CORO7: variants seen among roughly 807,000 people sequenced by gnomAD.
CORO7 encodes the protein coronin 7, also known as coronin-7.
Under a neutral mutation model 126.6 loss-of-function variants are expected in CORO7, and 107 were observed. The observed-to-expected ratio is 0.85, with a 90% CI of 0.72 to 0.99. The LOEUF is 0.99. Among genes scored for constraint, CORO7 ranks in the 50% least tolerant of loss-of-function variants. CORO7 has a pLI of 0.00. For missense variants in CORO7, 1,314 were observed against 1,255.8 expected, an observed-to-expected ratio of 1.05 and a Z score of -0.70; for synonymous variants, 603 against 536.8, an observed-to-expected ratio of 1.12 and a Z score of -1.70.
chr16:4,364,342 C>T lies in CORO7; in HGVS notation c.1209G>A (p.Ala403=), dbSNP rs766870836. ...PSFTSCLVPP[A]EPLPDTAQPA... Reference sequence around the variant, plus strand: ...GCTGGGCTGTGTCAGGGAGGGGCTCCGCAGGGGGCACCAGACAGGAAGTGA... The same window carrying T: ...GCTGGGCTGTGTCAGGGAGGGGCTCTGCAGGGGGCACCAGACAGGAAGTGA... Residue 403 remains alanine (A), a synonymous_variant, in exon 14 of 28, where the codon GCG becomes GCA. Coordinates refer to ENST00000251166, the MANE Select transcript of CORO7 (RefSeq NM_024535.5). 6.5e-5 allele frequency: 99 copies of T among 1,532,286 alleles called. No homozygotes were observed. Among genetic ancestry groups the T allele is most frequent in the Non-Finnish European group, 8.2e-5 (94 of 1,143,614 alleles). 94.9% of individuals were successfully genotyped at this position (1,532,286 alleles called of 1,614,324 possible).
rs748106543 is a variant in CORO7 at position 4,361,895 on chromosome 16, C to T, written c.1578+90G>A. ...GCAGGAGCCTGACACAAGGTTTGTG[C>T]TCCCTGTGTTGTGTGGGTAGCTAAG... On this transcript the variant is annotated intron_variant, in intron 16 of 27. Transcript: ENST00000251166. 2.6e-6 allele frequency: 4 copies of T among 1,527,188 alleles called. No individual in the cohort carries two copies. The South Asian group carries it at 4.8e-5, about 18-fold the overall frequency. 94.6% of individuals were successfully genotyped at this position (1,527,188 alleles called of 1,614,324 possible).
At chr16:4,361,682 A>C in intron 16 of CORO7, 1 of 791,796 alleles carries the variant, frequency 1.3e-6, no homozygotes, top group South Asian at 1.5e-5. Flanking sequence ...AGCAGCGTGA[A>C]CTGGCGGGAA....
chr16:4,358,364 C>T lies in CORO7; in HGVS notation c.2457+3G>A, dbSNP rs757302750. Reference sequence around the variant, plus strand: ...CATGGGAGTCCCAGGTCCCCACCCTCACCCGGACTCGGGGCAGCCGGAAGG... The same window carrying T: ...CATGGGAGTCCCAGGTCCCCACCCTTACCCGGACTCGGGGCAGCCGGAAGG... On this transcript the variant is annotated splice_donor_region_variant and intron_variant, in intron 24 of 27. Transcript: ENST00000251166. 2.5e-6 allele frequency: 4 copies of T among 1,612,098 alleles called. No homozygotes were observed. The highest frequency in any genetic ancestry group is 3.4e-6 in the Non-Finnish European group (4 of 1,179,604).
chr16:4,414,580 C>T (rs1332229902), intron 1 of CORO7, among the ~76,000 whole-genome samples: 1 of 152,124 alleles, frequency 6.6e-6, no homozygotes, highest in African/African-American at 2.4e-5. Flanking sequence ...ATTATTTCTC[C>T]CTCCTGATTC....
At chr16:4,416,287 G>T (rs112681045) in intron 1 of CORO7, among the ~76,000 whole-genome samples, 172 bp downstream of exon 1, 454 of 152,220 alleles carry the variant, frequency 3.0e-3, no homozygotes, top group Non-Finnish European at 4.3e-3. Flanking sequence ...GCCCTCCGGC[G>T]GCGACGAAAC....
intron 8 of CORO7, among the ~76,000 whole-genome samples, 188 bp downstream of exon 8, chr16:4,388,357 G>C (rs1257656012): frequency 6.6e-6 from 1 of 152,184 alleles, no homozygotes; most frequent in African/African-American, 2.4e-5. Context: ...ATTACAAATG[G>C]AATCTGCCAG....
intron 1 of CORO7, among the ~76,000 whole-genome samples, chr16:4,413,815 G>T (rs1260014833): frequency 6.6e-6 from 1 of 151,726 alleles, no homozygotes; most frequent in Non-Finnish European, 1.5e-5. Context: ...TGGGATTACA[G>T]GCATGAGCCT....
chr16:4,382,129 G>C (rs2055001132), intron 9 of CORO7: 9 of 1,589,618 alleles, frequency 5.7e-6, no homozygotes, highest in Non-Finnish European at 7.7e-6. Flanking sequence ...CCTCAATGGG[G>C]GCACATGCCA....
chr16:4,371,954 G>C (rs2054547343), intron 9 of CORO7: 1 of 152,448 alleles, frequency 6.6e-6, no homozygotes, highest in Admixed American at 6.5e-5. Context: ...TGAGGCCGCG[G>C]CCTGCCCCGC....
At chr16:4,365,770 C>T (rs2054329229) in intron 9 of CORO7, among the ~76,000 whole-genome samples, 2 of 152,188 alleles carry the variant, frequency 1.3e-5, no homozygotes, top group Admixed American at 1.3e-4. Flanking sequence ...CACCTGCACA[C>T]CTGCGTCACT....
intron 9 of CORO7, among the ~76,000 whole-genome samples, chr16:4,366,498 C>T (rs1395544620): frequency 6.6e-6 from 1 of 151,504 alleles, no homozygotes; most frequent in Non-Finnish European, 1.5e-5. Flanking sequence ...GCCCAGATGC[C>T]CAGTTGCCTT....
chr16:4,367,807 G>T (rs191673532), intron 9 of CORO7, among the ~76,000 whole-genome samples: 222 of 152,222 alleles, frequency 1.5e-3, no homozygotes, highest in African/African-American at 4.9e-3. Context: ...GGATGGGCAG[G>T]TGGAGGCTAG....
intron 9 of CORO7, chr16:4,382,383 G>T (rs753432185): frequency 6.2e-7 from 1 of 1,612,252 alleles, no homozygotes; most frequent in African/African-American, 1.3e-5. Flanking sequence ...GCAACCTATC[G>T]GGCCCTGATA....
intron 7 of CORO7, among the ~76,000 whole-genome samples, chr16:4,391,914 G>C (rs537202236): frequency 1.3e-5 from 2 of 152,214 alleles, no homozygotes; most frequent in South Asian, 4.1e-4. Context: ...TGTCAGCCCC[G>C]CAGGGGGTGC....
chr16:4,403,526 G>C (rs563771628), intron 6 of CORO7, among the ~76,000 whole-genome samples: 215 of 152,278 alleles, frequency 1.4e-3, no homozygotes, highest in African/African-American at 4.1e-3. Flanking sequence ...GGAAATGTGT[G>C]CTTCTCGTCC....
rs753171464 is a variant in CORO7, at chr16:4,381,019, C to G, written c.785+6967G>C. On this transcript the variant is annotated intron_variant, in intron 9 of 27. Transcript: ENST00000251166. Reference sequence around the variant, plus strand: ...TGCCCGCCAGGGGACCACGGTGCCCCGAGACGTGCCACCCGACACGGTGGG... The same window carrying G: ...TGCCCGCCAGGGGACCACGGTGCCCGGAGACGTGCCACCCGACACGGTGGG... 4 of 1,609,554 alleles carry G rather than the reference C, an allele frequency of 2.5e-6. No homozygotes were observed. Among genetic ancestry groups the G allele is most frequent in the Non-Finnish European group, 3.4e-6 (4 of 1,178,860 alleles).
At chr16:4,413,756 T>G (rs1419610920) in intron 1 of CORO7, among the ~76,000 whole-genome samples, 2 of 150,412 alleles carry the variant, frequency 1.3e-5, no homozygotes, top group Non-Finnish European at 3.0e-5. Flanking sequence ...CAGGCTGGTC[T>G]CGAACTCCTG....
chr16:4,410,557 C>T (rs981490427), intron 3 of CORO7, among the ~76,000 whole-genome samples: 4 of 152,174 alleles, frequency 2.6e-5, no homozygotes, highest in Admixed American at 6.5e-5. Context: ...TGTTTTAAAA[C>T]CTACTTCAAA....
At chr16:4,365,608 C>T in intron 9 of CORO7, 63 bp from the exon 10 acceptor site, 7 of 1,546,888 alleles carry the variant, frequency 4.5e-6, no homozygotes, top group African/African-American at 1.4e-5. Context: ...CTCGTAACCC[C>T]ATGTAGGAGC....
Sources: gnomAD v4.1 joint callset for allele counts (sites outside exome capture counted in the v4.1 genomes callset) on GRCh38, gnomAD v4.1.1 for gene constraint, MANE v1.5 for transcripts, NCBI Gene and HGNC (gene_info 2026-07-23, HGNC 2026-07-21) for gene names.